LRRC4C: variants seen among roughly 807,000 people sequenced by gnomAD.
LRRC4C encodes leucine-rich repeat-containing protein 4C.
Under a neutral mutation model 33.6 loss-of-function variants are expected in LRRC4C, and 5 were observed. That is an observed-to-expected ratio of 0.15 (90% CI 0.08 to 0.31). The LOEUF is 0.31. LRRC4C is among the 10% of genes least tolerant of loss of function. The probability of loss-of-function intolerance (pLI) is 1.00; values close to 1 mark genes in which losing one functional copy is unlikely to be tolerated. For missense variants in LRRC4C, 560 were observed against 796.7 expected (o/e 0.70, Z 3.58); for synonymous variants, 329 against 302.0 (o/e 1.09, Z -0.93).
chr11:40,993,842 A>G (rs1853766474), intron 1 of LRRC4C, among the ~76,000 whole-genome samples: 1 of 152,316 alleles, frequency 6.6e-6, no homozygotes, highest in Admixed American at 6.5e-5. Context: ...ACAATGTAAA[A>G]GCATCATAGG....
intron 3 of LRRC4C, among the ~76,000 whole-genome samples, chr11:40,450,333 A>C (rs568200894): frequency 1.7e-4 from 26 of 152,302 alleles, no homozygotes; most frequent in South Asian, 6.2e-4. Flanking sequence ...ATTATGATTA[A>C]ATAAATATAT....
intron 3 of LRRC4C, among the ~76,000 whole-genome samples, chr11:40,582,388 A>C (rs1958506686): frequency 1.3e-5 from 2 of 152,190 alleles, no homozygotes; most frequent in African/African-American, 4.8e-5. Flanking sequence ...CAGAATAAAA[A>C]AAGTAATTGC....
At chr11:41,180,371 C>A (rs866860921) in intron 1 of LRRC4C, among the ~76,000 whole-genome samples, 1 of 151,854 alleles carries the variant, frequency 6.6e-6, no homozygotes, top group African/African-American at 2.4e-5. Flanking sequence ...ATTTTAGCAG[C>A]TGTGCAAAAA....
chr11:41,346,829 G>C (rs186319332), intron 1 of LRRC4C, among the ~76,000 whole-genome samples: 33 of 152,092 alleles, frequency 2.2e-4, no homozygotes, highest in African/African-American at 7.5e-4. Flanking sequence ...GTACCAACTG[G>C]GACACCAAAT....
At chr11:40,571,497 A>T (rs1957982611) in intron 3 of LRRC4C, among the ~76,000 whole-genome samples, 1 of 152,130 alleles carries the variant, frequency 6.6e-6, no homozygotes, top group African/African-American at 2.4e-5. Context: ...GGACAAGATA[A>T]GGCTGGACAA....
At position 41,454,065 on chromosome 11, in the gene LRRC4C, A is replaced by C. The variant is rs576353453; in HGVS notation, c.-496+5366T>G. 3.3e-5 allele frequency among the ~76,000 whole-genome samples: 5 copies of C among 152,176 alleles called. No individual in the cohort carries two copies. In the South Asian group the frequency reaches 1.0e-3, roughly 32 times the overall value. On this transcript the variant is annotated intron_variant, in intron 1 of 6. Coordinates refer to ENST00000528697, the MANE Select transcript of LRRC4C (RefSeq NM_001258419.2). Reference sequence around the variant, plus strand: ...CTTCATCCATTCATTTTAAGGATAAAAAGAACCCACAACCTGAAGGACAAA... The same window carrying C: ...CTTCATCCATTCATTTTAAGGATAACAAGAACCCACAACCTGAAGGACAAA...
intron 3 of LRRC4C, among the ~76,000 whole-genome samples, chr11:40,518,307 A>G (rs567852860): frequency 6.6e-6 from 1 of 152,350 alleles, no homozygotes; most frequent in East Asian, 1.9e-4. Context: ...AGAAACTATC[A>G]TCAGAGTGAA....
chr11:40,603,441 T>C (rs538382870), intron 3 of LRRC4C, among the ~76,000 whole-genome samples: 41 of 152,286 alleles, frequency 2.7e-4, no homozygotes, highest in African/African-American at 9.4e-4. Flanking sequence ...ACAGTACATA[T>C]AAGGTGTGCA....
intron 3 of LRRC4C, among the ~76,000 whole-genome samples, chr11:40,541,073 T>C (rs1472647068): frequency 6.6e-6 from 1 of 152,172 alleles, no homozygotes; most frequent in Non-Finnish European, 1.5e-5. Context: ...AACTCTTTCA[T>C]AGAAATGAGG....
chr11:40,536,630 CA>C (rs1342320723), intron 3 of LRRC4C, among the ~76,000 whole-genome samples: 1 of 152,184 alleles, frequency 6.6e-6, no homozygotes, highest in Non-Finnish European at 1.5e-5. Context: ...GTTTACATAA[CA>C]GCTTTCTAAG....
At chr11:40,874,308 T>C (rs1565157092) in intron 2 of LRRC4C, among the ~76,000 whole-genome samples, 2 of 152,158 alleles carry the variant, frequency 1.3e-5, no homozygotes, top group South Asian at 2.1e-4. Context: ...CAATGTTCTG[T>C]AAGGATTTTA....
At chr11:40,249,386 C>T (rs964182794) in intron 4 of LRRC4C, among the ~76,000 whole-genome samples, 1 of 151,812 alleles carries the variant, frequency 6.6e-6, no homozygotes, top group Non-Finnish European at 1.5e-5. Context: ...TTAAATTAGT[C>T]TCATTTCCCA....
At chr11:40,511,763 C>T (rs1955327748) in intron 3 of LRRC4C, among the ~76,000 whole-genome samples, 1 of 152,138 alleles carries the variant, frequency 6.6e-6, no homozygotes, top group African/African-American at 2.4e-5. Flanking sequence ...CTTCTGGGCA[C>T]TTCTGAAAAA....
chr11:41,230,278 T>A (rs1265042168), intron 1 of LRRC4C, among the ~76,000 whole-genome samples: 2 of 152,080 alleles, frequency 1.3e-5, no homozygotes, highest in African/African-American at 2.4e-5. Flanking sequence ...AAACTCAGAA[T>A]GTGTAGAAGA....
chr11:41,092,526 T>C (rs1412714391), intron 1 of LRRC4C, among the ~76,000 whole-genome samples: 1 of 152,228 alleles, frequency 6.6e-6, no homozygotes, highest in Non-Finnish European at 1.5e-5. Flanking sequence ...TGGCATTTCT[T>C]AGTCCAGGCA....
At chr11:40,733,443 A>G (rs1032634303) in intron 2 of LRRC4C, among the ~76,000 whole-genome samples, 2 of 152,106 alleles carry the variant, frequency 1.3e-5, no homozygotes, top group South Asian at 2.1e-4. Flanking sequence ...CTATAAAAAC[A>G]TATTTGTTAA....
chr11:41,148,495 T>A (rs1247370045), intron 1 of LRRC4C, among the ~76,000 whole-genome samples: 1 of 151,904 alleles, frequency 6.6e-6, no homozygotes, highest in Admixed American at 6.6e-5. Flanking sequence ...GGGTGGAGGG[T>A]GAGGTATGGA....
At chr11:40,339,431 C>G (rs1017744261) in intron 3 of LRRC4C, among the ~76,000 whole-genome samples, 1 of 152,192 alleles carries the variant, frequency 6.6e-6, no homozygotes, top group Non-Finnish European at 1.5e-5. Flanking sequence ...AACCAGCTAA[C>G]TTCACAGGGG....
chr11:40,234,748 C>T (rs1159552207), intron 5 of LRRC4C, among the ~76,000 whole-genome samples: 1 of 152,140 alleles, frequency 6.6e-6, no homozygotes, highest in Non-Finnish European at 1.5e-5. Context: ...TCCAGCCTGG[C>T]CAACAGAGAG....
Sources: allele counts gnomAD v4.1 joint callset (sites outside exome capture counted in the v4.1 genomes callset), GRCh38; gene constraint gnomAD v4.1.1; transcripts MANE v1.5; gene names NCBI Gene and HGNC (gene_info 2026-07-23, HGNC 2026-07-21).